The following CTSO variants were observed in gnomAD, a reference collection of about 807,000 sequenced individuals.
CTSO encodes the protein cathepsin O.
Under a neutral mutation model 42.4 loss-of-function variants are expected in CTSO, and 40 were observed. The ratio of observed to expected loss-of-function variants is 0.94; its 90% CI spans 0.73 to 1.23. The LOEUF (loss-of-function observed/expected upper bound fraction) is 1.23. Among genes scored for constraint, CTSO ranks in the 50% most tolerant of loss-of-function variants. CTSO has a pLI of 0.00. For synonymous variants in CTSO, 156 were observed against 146.2 expected (o/e 1.07, Z -0.48); for missense variants, 441 against 396.0 (o/e 1.11, Z -0.96).
intron 4 of CTSO, 68 bp downstream of exon 4, chr4:155,939,302 GA>G: frequency 7.4e-7 from 1 of 1,355,242 alleles, no homozygotes; most frequent in South Asian, 1.6e-5. Flanking sequence ...CAAACTGTTT[GA>G]ATTTTGAACA....
intron 4 of CTSO, among the ~76,000 whole-genome samples, chr4:155,938,874 T>G (rs1743377371): frequency 6.6e-6 from 1 of 152,122 alleles, no homozygotes; most frequent in African/African-American, 2.4e-5. Flanking sequence ...GCAGAAACAC[T>G]TGAACCCGGG....
intron 7 of CTSO, among the ~76,000 whole-genome samples, chr4:155,927,768 CTA>C (rs1743156414): frequency 6.6e-6 from 1 of 151,296 alleles, no homozygotes; most frequent in African/African-American, 2.4e-5. Context: ...GAGCGAGACT[CTA>C]TCTCAAAAAA....
chr4:155,941,351 G>A (rs887332385), intron 3 of CTSO, among the ~76,000 whole-genome samples: 11 of 152,082 alleles, frequency 7.2e-5, no homozygotes, highest in Admixed American at 6.5e-5. Flanking sequence ...CCCCTCAAAC[G>A]TCTGCCAGCT....
At chr4:155,944,992 C>A (rs534878435) in intron 1 of CTSO, among the ~76,000 whole-genome samples, 1 of 149,480 alleles carries the variant, frequency 6.7e-6, no homozygotes, top group South Asian at 2.1e-4. Context: ...AGCAGTGGCT[C>A]ACACCTGTCA....
chr4:155,938,432 T>C (rs1030359876), intron 4 of CTSO, among the ~76,000 whole-genome samples: 1 of 152,134 alleles, frequency 6.6e-6, no homozygotes, highest in Non-Finnish European at 1.5e-5. Context: ...CAGAAACTAA[T>C]AGCACCCTCA....
chr4:155,935,782 G>A (rs928829758), intron 5 of CTSO, among the ~76,000 whole-genome samples: 10 of 152,018 alleles, frequency 6.6e-5, no homozygotes, highest in African/African-American at 2.2e-4. Context: ...GTAAATATTT[G>A]AATGAATAAA....
intron 5 of CTSO, among the ~76,000 whole-genome samples, chr4:155,930,832 T>C (rs540447398): frequency 9.2e-5 from 14 of 152,316 alleles, no homozygotes; most frequent in Middle Eastern, 3.4e-3. Context: ...AACATGAATA[T>C]CTGCTTTTTG....
At chr4:155,945,264 T>A (rs1423686607) in intron 1 of CTSO, among the ~76,000 whole-genome samples, 14 of 150,870 alleles carry the variant, frequency 9.3e-5, no homozygotes, top group African/African-American at 1.5e-4. Flanking sequence ...CTCAAAAAAA[T>A]AAATAAATAA....
intron 5 of CTSO, among the ~76,000 whole-genome samples, chr4:155,931,516 C>CA (rs1320766787): frequency 1.3e-5 from 2 of 152,262 alleles, no homozygotes; most frequent in East Asian, 3.9e-4. Context: ...GGACAAGCCT[C>CA]AGTCATAAGC....
At chr4:155,934,250 G>A (rs777869875) in intron 5 of CTSO, among the ~76,000 whole-genome samples, 11 of 152,150 alleles carry the variant, frequency 7.2e-5, no homozygotes, top group South Asian at 2.1e-4. Flanking sequence ...TTGAGCCTGC[G>A]GGTACATAGA....
rs1743094961 is a variant in CTSO, at chr4:155,924,428, A to T, written c.*1608T>A. On this transcript the variant is annotated 3_prime_UTR_variant, in exon 8 of 8. Transcript: ENST00000433477. ...TCGGATTGGTTCTGACTGGCGTAAGAAGAGAAATACAGCATTTTGTTTTTT... is the reference window on the plus strand; with the variant it reads ...TCGGATTGGTTCTGACTGGCGTAAGTAGAGAAATACAGCATTTTGTTTTTT... 1.3e-5 allele frequency: 2 copies of T among 152,180 alleles called. No individual in the cohort carries two copies. The highest frequency in any genetic ancestry group is 4.1e-4 in the South Asian group (2 of 4,830). 9.4% of individuals were successfully genotyped at this position (152,180 alleles called of 1,614,324 possible).
Position 155,950,553 on chromosome 4 carries a change from A to G in CTSO, c.135+3160T>C, listed in dbSNP as rs576329459. ...TATCTAACATCAAATTCGTGTTTTC[A>G]TCTTTATATAAGGTAGAACAGGAGT... On this transcript the variant is annotated intron_variant, in intron 1 of 7. Transcript: ENST00000433477. 5.9e-5 allele frequency among the ~76,000 whole-genome samples: 9 copies of G among 152,274 alleles called. No homozygotes were observed. In the South Asian group the frequency reaches 1.7e-3, roughly 28 times the overall value.
chr4:155,944,363 G>A (rs1743503376), intron 1 of CTSO, among the ~76,000 whole-genome samples: 1 of 152,102 alleles, frequency 6.6e-6, no homozygotes, highest in Admixed American at 6.5e-5. Flanking sequence ...AAATAATCTT[G>A]ATGAAGCAAG....
rs562024893 is a variant in CTSO at position 155,944,751 on chromosome 4, G to A, written c.136-1487C>T. 1.5e-3 allele frequency among the ~76,000 whole-genome samples: 221 copies of A among 152,224 alleles called. 1 individual carries two copies. The highest frequency in any genetic ancestry group is 4.0e-3 in the African/African-American group (168 of 41,522). On this transcript the variant is annotated intron_variant, in intron 1 of 7. Coordinates refer to ENST00000433477, the MANE Select transcript of CTSO (RefSeq NM_001334.3). ...GGCTTGCTATTTGGGAGACAAATGG[G>A]ACTCCCCTGACAGCTGGTTTTTGAT... is the stretch of plus-strand genomic sequence containing the variant.
intron 5 of CTSO, among the ~76,000 whole-genome samples, chr4:155,931,315 C>T (rs1743230125): frequency 6.6e-6 from 1 of 152,076 alleles, no homozygotes; most frequent in African/African-American, 2.4e-5. Context: ...CAAAGGATTA[C>T]TGGAAGTTCA....
In CTSO at chr4:155,942,353, G is replaced by A. The variant is rs1743455027; in HGVS notation, c.348C>T (p.Asp116=). 6.3e-7 allele frequency: 1 copy of A among 1,587,520 alleles called. No homozygotes were observed. Among genetic ancestry groups the A allele is most frequent in the African/African-American group, 1.4e-5 (1 of 72,782 alleles). ...VSLPLRFDWR[D]KQVVTQVRNQ... Reference sequence around the variant, plus strand: ...TTCTCACTTGTGTCACAACCTGCTTGTCCCTCCAGTCAAATCTTAACGGCA... The same window carrying A: ...TTCTCACTTGTGTCACAACCTGCTTATCCCTCCAGTCAAATCTTAACGGCA... Residue 116 remains aspartate, a synonymous_variant, in exon 3 of 8, where the codon GAC becomes GAT. Transcript: ENST00000433477.
chr4:155,942,257 G>A (rs1204282516), intron 3 of CTSO, 60 bp downstream of exon 3: 3 of 1,365,570 alleles, frequency 2.2e-6, no homozygotes, highest in Non-Finnish European at 2.9e-6. Flanking sequence ...GATTAAACTT[G>A]ACCTCAAAGC....
rs1186965470 is a variant in CTSO at position 155,942,404 on chromosome 4, T to C, written c.297A>G (p.Val99=). Residue 99 remains valine, a synonymous_variant, in exon 3 of 8, where the codon GTA becomes GTG. Coordinates refer to ENST00000433477, the MANE Select transcript of CTSO (RefSeq NM_001334.3). Reference sequence around the variant, plus strand: ...AAGACACATTGGGGATGGACATATGTACTTCTGCTGAGTATCTGGGAAACT... The same window carrying C: ...AAGACACATTGGGGATGGACATATGCACTTCTGCTGAGTATCTGGGAAACT... The part of the protein sequence containing the change: ...PSKFPRYSAE[V]HMSIPNVSLP... 1.9e-6 allele frequency: 3 copies of C among 1,595,092 alleles called. No individual in the cohort carries two copies. The highest frequency in any genetic ancestry group is 2.7e-5 in the African/African-American group (2 of 73,590).
chr4:155,926,027 C>T lies in CTSO; in HGVS notation c.*9G>A, dbSNP rs763307398. 2.5e-6 allele frequency: 4 copies of T among 1,602,562 alleles called. No individual in the cohort carries two copies. Among genetic ancestry groups the T allele is most frequent in the East Asian group, 2.2e-5 (1 of 44,474 alleles). On this transcript the variant is annotated 3_prime_UTR_variant, in exon 8 of 8. Transcript: ENST00000433477. ...ATTTTTGTAGCTGTCTCTTGATCTG[C>T]CCAACATGTCACACAAATATAGAAG...
Sources: allele counts gnomAD v4.1 joint callset (sites outside exome capture counted in the v4.1 genomes callset), GRCh38; gene constraint gnomAD v4.1.1; transcripts MANE v1.5; gene names NCBI Gene and HGNC (gene_info 2026-07-23, HGNC 2026-07-21).